Variants in LYN observed in about 807,000 individuals in gnomAD.
LYN encodes LYN proto-oncogene, Src family tyrosine kinase, also known as tyrosine-protein kinase Lyn.
A neutral mutation model predicts 65.0 loss-of-function variants in LYN; 12 were observed. The observed-to-expected ratio is 0.18, with a 90% CI of 0.12 to 0.30. The LOEUF (loss-of-function observed/expected upper bound fraction) is 0.30, where lower values mean the gene tolerates loss of function less well. Ranked by LOEUF, LYN falls within the 10% of genes least tolerant of loss-of-function variation. The probability of loss-of-function intolerance (pLI) is 1.00; values close to 1 mark genes in which losing one functional copy is unlikely to be tolerated. For synonymous variants in LYN, 222 were observed against 221.2 expected, an observed-to-expected ratio of 1.00 and a Z score of -0.03; for missense variants, 380 against 623.2, an observed-to-expected ratio of 0.61 and a Z score of 4.16.
chr8:55,881,602 G>A (rs1418190865), intron 1 of LYN, among the ~76,000 whole-genome samples: 5 of 152,158 alleles, frequency 3.3e-5, no homozygotes, highest in Non-Finnish European at 7.3e-5. Flanking sequence ...TAAATGTGTG[G>A]CCCTTTTGCT....
chr8:56,003,340 C>G (rs1808583276), intron 12 of LYN, among the ~76,000 whole-genome samples: 1 of 152,062 alleles, frequency 6.6e-6, no homozygotes, highest in African/African-American at 2.4e-5. Context: ...GGATTACAGG[C>G]ACGAGCCACC....
Position 55,882,948 on chromosome 8 carries a change from T to C in LYN, c.-6+2845T>C, listed in dbSNP as rs1026745486. On this transcript the variant is annotated intron_variant, in intron 1 of 12. Transcript: ENST00000519728. ...AACTTATGATGAGGCTGTGTCCCAA[T>C]AAACCCAATCGTAAGTTGAAAATAC... Among the ~76,000 whole-genome samples the C allele has an allele frequency of 1.6e-4, 24 of 152,206 alleles. 1 individual carries two copies. Among genetic ancestry groups the C allele is most frequent in the African/African-American group, 5.5e-4 (23 of 41,448 alleles).
At chr8:55,891,428 A>T (rs922615194) in intron 1 of LYN, among the ~76,000 whole-genome samples, 10 of 152,184 alleles carry the variant, frequency 6.6e-5, no homozygotes, top group African/African-American at 2.4e-4. Flanking sequence ...AAGTGAAATA[A>T]GCCAGACACA....
intron 1 of LYN, among the ~76,000 whole-genome samples, chr8:55,928,831 T>C (rs1273107238): frequency 1.3e-5 from 2 of 152,176 alleles, no homozygotes; most frequent in Non-Finnish European, 2.9e-5. Flanking sequence ...TGATGTTGTA[T>C]GTAAAATGTC....
intron 12 of LYN, 73 bp downstream of exon 12, chr8:55,999,622 A>C: frequency 7.0e-7 from 1 of 1,421,016 alleles, no homozygotes; most frequent in Non-Finnish European, 9.9e-7. Flanking sequence ...AGGCATTAAA[A>C]AGTAATAATT....
At chr8:55,938,214 A>G (rs1488218196) in intron 1 of LYN, among the ~76,000 whole-genome samples, 5 of 152,218 alleles carry the variant, frequency 3.3e-5, no homozygotes, top group Non-Finnish European at 7.4e-5. Flanking sequence ...TTTGTAATCA[A>G]AAGGCTGCCT....
intron 1 of LYN, chr8:55,902,851 A>G (rs1805310528): frequency 3.5e-5 from 16 of 451,740 alleles, no homozygotes; most frequent in South Asian, 2.6e-4. Flanking sequence ...ATCTAGCATG[A>G]GGCTTTTTTT....
chr8:55,880,073 T>C lies in LYN; in HGVS notation c.-36T>C. ...CTCTGAACTCAAGTCACCGTGGAGC[T>C]CCGCCGCCCCGAAACTTTCACCGCG... On this transcript the variant is annotated 5_prime_UTR_variant, in exon 1 of 13. Transcript: ENST00000519728. 1 of 314,216 alleles carries C rather than the reference T, an allele frequency of 3.2e-6. No individual in the cohort carries two copies. Among genetic ancestry groups the C allele is most frequent in the South Asian group, 2.3e-5 (1 of 43,672 alleles). 19.5% of individuals were successfully genotyped at this position (314,216 alleles called of 1,614,324 possible).
At chr8:55,885,060 C>T (rs778922925) in intron 1 of LYN, among the ~76,000 whole-genome samples, 1 of 152,200 alleles carries the variant, frequency 6.6e-6, no homozygotes, top group African/African-American at 2.4e-5. Context: ...CTGCTCTCCC[C>T]ACTTCATTCC....
intron 10 of LYN, chr8:55,980,260 T>C (rs897239752): frequency 2.6e-5 from 4 of 152,284 alleles, no homozygotes; most frequent in African/African-American, 9.7e-5. Flanking sequence ...TCTCACTATT[T>C]TATCCAGGCT....
At chr8:55,907,417 G>T (rs147735883) in intron 1 of LYN, among the ~76,000 whole-genome samples, 1 of 152,340 alleles carries the variant, frequency 6.6e-6, no homozygotes, top group African/African-American at 2.4e-5. Flanking sequence ...CATGAGAGGG[G>T]ATGCCTTAGA....
intron 8 of LYN, among the ~76,000 whole-genome samples, chr8:55,961,181 T>C (rs981203949): frequency 2.6e-5 from 4 of 152,188 alleles, no homozygotes; most frequent in Admixed American, 2.6e-4. Flanking sequence ...TTGTGGTACG[T>C]GGGCACTTTT....
chr8:56,010,029 G>C lies in LYN; in HGVS notation c.1458G>C (p.Glu486Asp). ...TGTGCTGGAAAGAAAAGGCAGAAGAGAGACCAACGTTTGACTACTTACAGA... is the reference window on the plus strand; with the variant it reads ...TGTGCTGGAAAGAAAAGGCAGAAGACAGACCAACGTTTGACTACTTACAGA... The part of the protein sequence containing the change: ...MKMCWKEKAE[E>D]RPTFDYLQSV... Residue 486 changes from glutamate to aspartate, a missense_variant, in exon 13 of 13, where the codon GAG becomes GAC. By Grantham distance (45) the Glu-to-Asp change is conservative (BLOSUM62 2). Transcript: ENST00000519728. The C allele has an allele frequency of 6.2e-7, 1 of 1,614,194 alleles. No homozygotes were observed. The highest frequency in any genetic ancestry group is 8.5e-7 in the Non-Finnish European group (1 of 1,180,032).
intron 2 of LYN, among the ~76,000 whole-genome samples, chr8:55,945,491 G>C (rs1292819277): frequency 6.6e-6 from 1 of 152,166 alleles, no homozygotes; most frequent in East Asian, 1.9e-4. Context: ...GAGATTTTAT[G>C]GGCTTTCATC....
intron 10 of LYN, among the ~76,000 whole-genome samples, chr8:55,973,331 C>A (rs1807662107): frequency 6.6e-6 from 1 of 152,218 alleles, no homozygotes; most frequent in African/African-American, 2.4e-5. Context: ...TCCAACCATC[C>A]ATAGCCCATT....
chr8:55,941,660 C>A (rs548188914), intron 1 of LYN, among the ~76,000 whole-genome samples, 195 bp from the exon 2 acceptor site: 29 of 152,262 alleles, frequency 1.9e-4, no homozygotes, highest in African/African-American at 7.0e-4. Context: ...AAAATTAATG[C>A]TCAATAAATA....
At chr8:55,956,631 C>G (rs1807121928) in intron 8 of LYN, among the ~76,000 whole-genome samples, 2 of 152,294 alleles carry the variant, frequency 1.3e-5, no homozygotes, top group South Asian at 4.1e-4. Flanking sequence ...TCTGTGAATT[C>G]TCTTCCCTCT....
intron 10 of LYN, among the ~76,000 whole-genome samples, chr8:55,977,183 C>G (rs1273342254): frequency 6.6e-6 from 1 of 151,462 alleles, no homozygotes; most frequent in African/African-American, 2.4e-5. Context: ...AAGACTCTGT[C>G]TCAAAAAAAA....
At chr8:55,902,015 C>CT (rs11424284) in intron 1 of LYN, among the ~76,000 whole-genome samples, 56,490 of 149,710 alleles carry the variant, frequency 0.38, 10,788 homozygotes, top group Middle Eastern at 0.52. Flanking sequence ...CCTGTACTTT[C>CT]TTTTTTTTTT....
Sources: gnomAD v4.1 joint callset for allele counts (sites outside exome capture counted in the v4.1 genomes callset) on GRCh38, gnomAD v4.1.1 for gene constraint, MANE v1.5 for transcripts, NCBI Gene and HGNC (gene_info 2026-07-23, HGNC 2026-07-21) for gene names.